Variants in OPCML observed in about 807,000 individuals in gnomAD.
OPCML encodes opioid-binding protein/cell adhesion molecule.
In OPCML, 13 loss-of-function variants were observed where a neutral mutation model predicts 37.8. That is an observed-to-expected ratio of 0.34 (90% CI 0.22 to 0.55). OPCML has a LOEUF of 0.55. Ranked by LOEUF, OPCML falls within the 20% of genes least tolerant of loss-of-function variation. The probability of loss-of-function intolerance (pLI) is 0.91; values close to 1 mark genes in which losing one functional copy is unlikely to be tolerated. For synonymous variants in OPCML, 176 were observed against 168.8 expected (o/e 1.04, Z -0.33); for missense variants, 341 against 435.6 (o/e 0.78, Z 1.93).
At chr11:132,850,529 GTGT>G (rs1186928490) in intron 2 of OPCML, among the ~76,000 whole-genome samples, 13 of 152,008 alleles carry the variant, frequency 8.6e-5, no homozygotes, top group Non-Finnish European at 1.6e-4. Context: ...GTGTGTGTGT[GTGT>G]GTGTGTGTGT....
At chr11:133,158,634 A>G (rs1341125899) in intron 1 of OPCML, among the ~76,000 whole-genome samples, 1 of 151,894 alleles carries the variant, frequency 6.6e-6, no homozygotes, top group Non-Finnish European at 1.5e-5. Flanking sequence ...TGGGAGGTGG[A>G]GGTTGCAGTG....
chr11:133,349,570 CCTT>C (rs1944081641), intron 1 of OPCML, among the ~76,000 whole-genome samples: 1 of 152,022 alleles, frequency 6.6e-6, no homozygotes. Flanking sequence ...AATAGGAATC[CCTT>C]CTTCTTCAGG....
chr11:133,244,105 G>A (rs1016919025), intron 1 of OPCML, among the ~76,000 whole-genome samples: 5 of 152,212 alleles, frequency 3.3e-5, no homozygotes, highest in African/African-American at 1.2e-4. Flanking sequence ...ATTAGAGGAT[G>A]GGGCAGGTGC....
rs1195538017 is a variant in OPCML, at chr11:132,688,898, C to G, written c.147-31579G>C. Among the ~76,000 whole-genome samples, 15 of 30,170 alleles carry G rather than the reference C, an allele frequency of 5.0e-4. 4 individuals carry two copies. Among genetic ancestry groups the G allele is most frequent in the Non-Finnish European group, 6.7e-4 (11 of 16,444 alleles). The allele number at this position is 30,170 out of a possible 152,430, so 19.8% of individuals were successfully genotyped here. A position where few individuals can be genotyped will look rare whatever the true frequency, so the allele number is the denominator to read the frequency against. ...CCGGGAAGCGGAGCTTGCAGTGAGC[C>G]GAGATTGCGCCACTGCAGTCCGCAG... On this transcript the variant is annotated intron_variant, in intron 2 of 7. Coordinates refer to ENST00000524381, the MANE Select transcript of OPCML (RefSeq NM_001012393.5).
At chr11:132,809,275 A>G (rs768170157) in intron 2 of OPCML, among the ~76,000 whole-genome samples, 3 of 152,230 alleles carry the variant, frequency 2.0e-5, no homozygotes, top group Non-Finnish European at 4.4e-5. Context: ...CAGCAGGGAA[A>G]TAGCGAAATG....
chr11:133,147,985 G>A lies in OPCML; in HGVS notation c.62-204975C>T, dbSNP rs140933691. On this transcript the variant is annotated intron_variant, in intron 1 of 7. Transcript: ENST00000524381. ...TCTCTCATCCCTCCCCACCCCAGCT[G>A]CCATCTGATGTTGGGAAGCCATGGT... Among the ~76,000 whole-genome samples, 1,370 of 152,176 alleles carry A rather than the reference G, an allele frequency of 9.0e-3. 17 individuals carry two copies. Among genetic ancestry groups the A allele is most frequent in the African/African-American group, 0.031 (1,286 of 41,508 alleles).
chr11:133,142,937 T>C (rs970819647), intron 1 of OPCML, among the ~76,000 whole-genome samples: 1 of 152,100 alleles, frequency 6.6e-6, no homozygotes, highest in Non-Finnish European at 1.5e-5. Flanking sequence ...TCAATGTGAT[T>C]GTAATTGTGC....
chr11:132,863,790 G>T (rs2136368543), intron 2 of OPCML, among the ~76,000 whole-genome samples: 1 of 152,254 alleles, frequency 6.6e-6, no homozygotes, highest in Non-Finnish European at 1.5e-5. Context: ...GGGCCTGGCT[G>T]GGTTCCCCAC....
intron 1 of OPCML, among the ~76,000 whole-genome samples, chr11:133,118,650 GA>G (rs1189722257): frequency 5.0e-4 from 72 of 144,600 alleles, no homozygotes; most frequent in East Asian, 1.6e-3. Context: ...TTTACCATAT[GA>G]AAAAAAAAAA....
intron 1 of OPCML, among the ~76,000 whole-genome samples, chr11:133,476,284 T>C (rs1240730571): frequency 6.6e-6 from 1 of 152,202 alleles, no homozygotes; most frequent in Non-Finnish European, 1.5e-5. Flanking sequence ...TCAAAGTTGC[T>C]GTAGACCGAC....
At chr11:133,303,622 A>G (rs192991003) in intron 1 of OPCML, among the ~76,000 whole-genome samples, 79 of 152,342 alleles carry the variant, frequency 5.2e-4, no homozygotes, top group African/African-American at 1.8e-3. Flanking sequence ...TGAGACTTGC[A>G]TAAAATATGC....
chr11:132,999,962 G>A (rs536003386), intron 1 of OPCML, among the ~76,000 whole-genome samples: 1 of 152,262 alleles, frequency 6.6e-6, no homozygotes, highest in Non-Finnish European at 1.5e-5. Context: ...CACCAGACCT[G>A]GAAACCCATC....
At chr11:133,511,595 C>A (rs1948160477) in intron 1 of OPCML, among the ~76,000 whole-genome samples, 1 of 152,152 alleles carries the variant, frequency 6.6e-6, no homozygotes, top group African/African-American at 2.4e-5. Context: ...TTACCCCTTT[C>A]ACATCTCTGC....
chr11:132,830,152 T>C (rs1940600921), intron 2 of OPCML, among the ~76,000 whole-genome samples: 1 of 152,218 alleles, frequency 6.6e-6, no homozygotes, highest in South Asian at 2.1e-4. Flanking sequence ...GTTCATGTAC[T>C]GCTCCTTTAT....
intron 1 of OPCML, among the ~76,000 whole-genome samples, chr11:133,108,122 A>C (rs751981830): frequency 5.3e-5 from 8 of 152,248 alleles, no homozygotes; most frequent in Non-Finnish European, 8.8e-5. Flanking sequence ...AGACAGAAGT[A>C]AATTAGCAAA....
At chr11:132,615,696 T>C (rs1326217200) in intron 3 of OPCML, among the ~76,000 whole-genome samples, 1 of 152,114 alleles carries the variant, frequency 6.6e-6, no homozygotes, top group African/African-American at 2.4e-5. Flanking sequence ...GATTTTGGTG[T>C]CTGTTGGGGT....
chr11:133,005,070 C>T, intron 1 of OPCML: 1 of 985,292 alleles, frequency 1.0e-6, no homozygotes. Context: ...AATGCCACAC[C>T]CTTGCTTGGA....
intron 1 of OPCML, among the ~76,000 whole-genome samples, chr11:133,388,330 AGTAAACCTGGAAAAT>A (rs1945101106): frequency 6.6e-6 from 1 of 152,180 alleles, no homozygotes; most frequent in Non-Finnish European, 1.5e-5. Context: ...TGGTCTCATA[AGTAAACCTGGAAAAT>A]GTAAAAGTGA....
At chr11:132,624,746 C>T (rs894633754) in intron 3 of OPCML, among the ~76,000 whole-genome samples, 4 of 152,170 alleles carry the variant, frequency 2.6e-5, no homozygotes, top group Admixed American at 6.5e-5. Flanking sequence ...GCACAAACAT[C>T]TCAGTTCCTG....
Sources: gnomAD v4.1 joint callset for allele counts (sites outside exome capture counted in the v4.1 genomes callset) on GRCh38, gnomAD v4.1.1 for gene constraint, MANE v1.5 for transcripts, NCBI Gene and HGNC (gene_info 2026-07-23, HGNC 2026-07-21) for gene names.